Variants in HMCN1 observed in about 807,000 individuals in gnomAD.
HMCN1 encodes the protein hemicentin-1.
A neutral mutation model predicts 625.9 loss-of-function variants in HMCN1; 321 were observed. The observed-to-expected ratio is 0.51, with a 90% confidence interval of 0.47 to 0.56. The LOEUF (loss-of-function observed/expected upper bound fraction) is 0.56, where lower values mean the gene tolerates loss of function less well. Ranked by LOEUF, HMCN1 falls within the 20% of genes least tolerant of loss-of-function variation. HMCN1 has a pLI of 0.00. For synonymous variants in HMCN1, 2,425 were observed against 2,417.6 expected (o/e 1.00, Z -0.09); for missense variants, 6,588 against 6,887.3 (o/e 0.96, Z 1.54).
chr1:185,879,115 C>T (rs535434809), intron 4 of HMCN1, among the ~76,000 whole-genome samples: 14 of 152,300 alleles, frequency 9.2e-5, no homozygotes, highest in Admixed American at 3.3e-4. Context: ...TCATAATTGC[C>T]TTCCCAGTCA....
chr1:186,028,502 G>A (rs1282621489), intron 36 of HMCN1, among the ~76,000 whole-genome samples: 9 of 152,066 alleles, frequency 5.9e-5, no homozygotes, highest in Admixed American at 5.9e-4. Flanking sequence ...ACTTACATTG[G>A]AGCCTTTCTG....
intron 29 of HMCN1, among the ~76,000 whole-genome samples, 174 bp from the exon 30 acceptor site, chr1:186,006,954 T>C (rs1653675808): frequency 6.6e-6 from 1 of 152,110 alleles, no homozygotes; most frequent in African/African-American, 2.4e-5. Flanking sequence ...TTACCTAACT[T>C]CTGTTAGCAA....
chr1:186,081,436 C>A (rs1659165048), intron 56 of HMCN1, 42 bp downstream of exon 56: 2 of 1,378,362 alleles, frequency 1.5e-6, no homozygotes, highest in African/African-American at 2.9e-5. Context: ...AGCTATTTGA[C>A]TTTGCACTTT....
At position 186,000,131 on chromosome 1, in the gene HMCN1, A is replaced by G. The variant is rs1272071287; in HGVS notation, c.3961A>G (p.Thr1321Ala). ...TGGCATTTCTATCTTGGAAGATGGC[A>G]CATTGCTGGTTATTGCTTCTGTTAC... ...EPGISILEDGTLLVIASVTPY... is the reference protein window; with the variant it reads ...EPGISILEDGALLVIASVTPY... The change falls in exon 26 of 107, where the codon ACA becomes GCA. Residue 1321 changes from threonine to alanine, a missense_variant. Coordinates refer to ENST00000271588, the MANE Select transcript of HMCN1 (RefSeq NM_031935.3). 6.2e-7 allele frequency: 1 copy of G among 1,613,132 alleles called. No homozygotes were observed.
At chr1:185,968,402 T>C (rs1650571616) in intron 14 of HMCN1, among the ~76,000 whole-genome samples, 2 of 151,838 alleles carry the variant, frequency 1.3e-5, no homozygotes, top group Admixed American at 1.3e-4. Flanking sequence ...ATATAATATG[T>C]TCATTATGCT....
At chr1:185,834,897 A>G (rs914052703) in intron 1 of HMCN1, among the ~76,000 whole-genome samples, 2 of 152,228 alleles carry the variant, frequency 1.3e-5, no homozygotes, top group Non-Finnish European at 2.9e-5. Context: ...TCTTGAAGTA[A>G]GATGTGATAA....
At chr1:186,184,011 CA>C (rs1653118188) in intron 105 of HMCN1, among the ~76,000 whole-genome samples, 3 of 152,146 alleles carry the variant, frequency 2.0e-5, no homozygotes, top group African/African-American at 7.2e-5. Context: ...ACCCCTTAGC[CA>C]GATTTTATTC....
At chr1:186,088,825 A>G in intron 63 of HMCN1, 70 bp downstream of exon 63, 1 of 1,419,004 alleles carries the variant, frequency 7.0e-7, no homozygotes, top group African/African-American at 1.4e-5. Context: ...AATAATCTAC[A>G]TTTAAAGGTA....
chr1:186,103,735 T>A (rs1660489790), intron 69 of HMCN1, 67 bp downstream of exon 69: 3 of 1,335,678 alleles, frequency 2.2e-6, no homozygotes, highest in Non-Finnish European at 3.2e-6. Flanking sequence ...ATATATGAGA[T>A]TTGTTAAATT....
chr1:185,889,343 T>C (rs2074385398), intron 4 of HMCN1, among the ~76,000 whole-genome samples: 1 of 145,852 alleles, frequency 6.9e-6, no homozygotes, highest in Non-Finnish European at 1.5e-5. Flanking sequence ...CTTCCAACAC[T>C]ATGTTGAATA....
chr1:186,009,222 A>G (rs1481211581), intron 30 of HMCN1, among the ~76,000 whole-genome samples: 2 of 152,174 alleles, frequency 1.3e-5, no homozygotes, highest in East Asian at 3.9e-4. Flanking sequence ...GTGATTCAAT[A>G]AGACTCTTAT....
Position 186,017,909 on chromosome 1 carries a change from CTTTGTAT to C in HMCN1, c.5301-272_5301-266del, listed in dbSNP as rs1558147739. On this transcript the variant is annotated intron_variant, in intron 33 of 106. Coordinates refer to ENST00000271588, the MANE Select transcript of HMCN1 (RefSeq NM_031935.3). The stretch of plus-strand genomic sequence containing the variant: ...ATATCCATCACCTCAAGCATTTATC[CTTTGTAT>C]TACAAACAATCCAATACTTCTCCCT... Among the ~76,000 whole-genome samples, 555 of 152,066 alleles carry C rather than the reference CTTTGTAT, an allele frequency of 3.6e-3. 4 individuals are homozygous for C. The highest frequency in any genetic ancestry group is 0.013 in the African/African-American group (525 of 41,532).
Position 186,125,705 on chromosome 1 carries a change from A to T in HMCN1, c.12601A>T (p.Asn4201Tyr). The T allele has an allele frequency of 6.2e-7, 1 of 1,613,094 alleles. No homozygotes were observed. Among genetic ancestry groups the T allele is most frequent in the Non-Finnish European group, 8.5e-7 (1 of 1,179,188 alleles). Reference protein sequence around the residue: ...VADGIPTPAINWKKDNVLLAN... With the variant: ...VADGIPTPAIYWKKDNVLLAN... ...TGATGGAATCCCCACACCAGCAATT[A>T]ACTGGAAAAAAGACAATGTTCTTTT... Residue 4201 changes from asparagine to tyrosine, a missense_variant, in exon 82 of 107, where the codon AAC becomes TAC. Around this residue, in one of 3 missense-constraint regions of HMCN1, gnomAD observed 1,954 missense variants for 2,013.1 expected, o/e 0.97. Transcript: ENST00000271588.
At chr1:186,054,449 G>A (rs1302956252) in intron 44 of HMCN1, among the ~76,000 whole-genome samples, 1 of 151,998 alleles carries the variant, frequency 6.6e-6, no homozygotes, top group African/African-American at 2.4e-5. Context: ...GGAAATTTAA[G>A]CTCCAAGAGG....
At chr1:185,923,157 A>T (rs1014745244) in intron 7 of HMCN1, among the ~76,000 whole-genome samples, 2 of 151,934 alleles carry the variant, frequency 1.3e-5, no homozygotes, top group African/African-American at 4.8e-5. Context: ...CACGATTCTA[A>T]TTTTTTTTAC....
Position 186,055,471 on chromosome 1 carries a change from G to A in HMCN1, c.6941G>A (p.Cys2314Tyr), listed in dbSNP as rs1657250072. Reference protein sequence around the residue: ...VTRGKSISLECEVQGIPPPTV... With the variant: ...VTRGKSISLEYEVQGIPPPTV... Reference sequence around the variant, plus strand: ...CGAGGGAAGAGTATCTCCTTGGAGTGTGAGGTGCAGGGTATTCCACCACCA... The same window carrying A: ...CGAGGGAAGAGTATCTCCTTGGAGTATGAGGTGCAGGGTATTCCACCACCA... Residue 2314 changes from cysteine (C) to tyrosine (Y), a missense_variant, in exon 45 of 107, where the codon TGT (cysteine) becomes TAT (tyrosine). Cys to Tyr is a radical substitution (Grantham distance 194). Coordinates refer to ENST00000271588, the MANE Select transcript of HMCN1 (RefSeq NM_031935.3). 3.1e-6 allele frequency: 5 copies of A among 1,612,686 alleles called. No homozygotes were observed. The highest frequency in any genetic ancestry group is 4.2e-6 in the Non-Finnish European group (5 of 1,179,244).
At chr1:185,948,163 C>A (rs1178252302) in intron 11 of HMCN1, among the ~76,000 whole-genome samples, 1 of 152,172 alleles carries the variant, frequency 6.6e-6, no homozygotes, top group Admixed American at 6.5e-5. Flanking sequence ...CATTTACAGG[C>A]TATACAACTC....
intron 1 of HMCN1, among the ~76,000 whole-genome samples, chr1:185,750,603 G>A (rs571235344): frequency 1.5e-4 from 23 of 152,024 alleles, no homozygotes; most frequent in African/African-American, 2.9e-4. Context: ...TTTTAAATGC[G>A]TTTTGCTTGG....
At chr1:186,102,252 G>A (rs1012488524) in intron 68 of HMCN1, among the ~76,000 whole-genome samples, 2 of 152,010 alleles carry the variant, frequency 1.3e-5, no homozygotes, top group African/African-American at 4.8e-5. Context: ...ATAGATAGAA[G>A]TAAAAAGAGG....
Sources: allele counts gnomAD v4.1 joint callset (sites outside exome capture counted in the v4.1 genomes callset), GRCh38; gene constraint gnomAD v4.1.1; regional missense constraint gnomAD v4.1.1; transcripts MANE v1.5; gene names NCBI Gene and HGNC (gene_info 2026-07-23, HGNC 2026-07-21).